PKIB: variants seen among roughly 807,000 people sequenced by gnomAD.
The protein encoded by PKIB is cAMP-dependent protein kinase inhibitor beta.
PKIB carries 2 observed loss-of-function variants against 4.5 expected under a neutral mutation model. That is an observed-to-expected ratio of 0.44 (90% CI 0.18 to 1.39). The LOEUF is 1.39. Among genes scored for constraint, PKIB ranks in the 40% most tolerant of loss-of-function variants. PKIB has a pLI of 0.27. For missense variants in PKIB, 94 were observed against 92.6 expected (o/e 1.02, Z -0.06); for synonymous variants, 38 against 36.0 (o/e 1.06, Z -0.20).
intron 2 of PKIB, among the ~76,000 whole-genome samples, chr6:122,501,746 TC>T (rs1013666204): frequency 1.3e-5 from 2 of 152,200 alleles, no homozygotes; most frequent in African/African-American, 4.8e-5. Context: ...GGCAATTTCC[TC>T]ATTGTCTTGG....
At chr6:122,567,562 C>A (rs12194471) in intron 2 of PKIB, among the ~76,000 whole-genome samples, 1 of 152,072 alleles carries the variant, frequency 6.6e-6, no homozygotes, top group Non-Finnish European at 1.5e-5. Flanking sequence ...TTTAAATTAG[C>A]TAATTTAATA....
chr6:122,492,641 C>CT (rs1351247859), intron 2 of PKIB, among the ~76,000 whole-genome samples: 3 of 152,072 alleles, frequency 2.0e-5, no homozygotes, highest in African/African-American at 4.8e-5. Context: ...TTTTATAACT[C>CT]TAACATTTTA....
intron 2 of PKIB, chr6:122,482,871 C>T (rs931424797): frequency 2.6e-5 from 4 of 152,072 alleles, no homozygotes; most frequent in Admixed American, 2.6e-4. Flanking sequence ...ATTTAAAGTC[C>T]AACTGCACGT....
At chr6:122,692,359 G>C (rs1778390740) in intron 3 of PKIB, among the ~76,000 whole-genome samples, 6 of 152,164 alleles carry the variant, frequency 3.9e-5, no homozygotes, top group Admixed American at 3.9e-4. Flanking sequence ...TCAGGAATCT[G>C]TCTGTTGCTC....
intron 2 of PKIB, among the ~76,000 whole-genome samples, chr6:122,502,934 AAAC>A (rs1776286378): frequency 6.6e-6 from 1 of 152,184 alleles, no homozygotes; most frequent in Admixed American, 6.5e-5. Context: ...TGGGTGGTTT[AAAC>A]AACAAGCATT....
chr6:122,623,712 C>T lies in PKIB; in HGVS notation c.-160-9571C>T, dbSNP rs1036070518. ...AAGCCTTGCACCCAGACACTTTACA[C>T]GCATACATATACACAAATATGTTGA... On this transcript the variant is annotated intron_variant, in intron 1 of 4. Coordinates refer to ENST00000368452, the MANE Select transcript of PKIB (RefSeq NM_181795.3). Among the ~76,000 whole-genome samples, 8 of 152,108 alleles carry T rather than the reference C, an allele frequency of 5.3e-5. No homozygotes were observed. The South Asian group carries it at 1.5e-3, about 28-fold the overall frequency.
intron 2 of PKIB, among the ~76,000 whole-genome samples, chr6:122,577,181 C>G (rs779484886): frequency 1.3e-5 from 2 of 152,116 alleles, no homozygotes; most frequent in Non-Finnish European, 2.9e-5. Context: ...GGCTTGATTT[C>G]AGCATTTAGC....
Position 122,682,782 on chromosome 6 carries a change from G to A in PKIB, c.-9+7638G>A, listed in dbSNP as rs114679997. Among the ~76,000 whole-genome samples the A allele has an allele frequency of 2.6e-3, 397 of 152,204 alleles. 2 individuals are homozygous for A. Among genetic ancestry groups the A allele is most frequent in the African/African-American group, 8.3e-3 (344 of 41,534 alleles). On this transcript the variant is annotated intron_variant, in intron 3 of 4. Coordinates refer to ENST00000368452, the MANE Select transcript of PKIB (RefSeq NM_181795.3). ...CCTGCTACAGTTCTCTCTGGTCCAC[G>A]TCCTCCTGGGATTGTTCTCAGCAAT...
intron 3 of PKIB, among the ~76,000 whole-genome samples, chr6:122,692,187 T>C (rs6420728): frequency 0.48 from 73,003 of 152,022 alleles, 18,299 homozygotes; most frequent in Non-Finnish European, 0.56. Flanking sequence ...GCTGTAACCA[T>C]CCCCTGTCTA....
intron 2 of PKIB, among the ~76,000 whole-genome samples, chr6:122,484,312 T>C (rs1232060158): frequency 6.6e-6 from 1 of 152,188 alleles, no homozygotes; most frequent in African/African-American, 2.4e-5. Context: ...ACCAACCAAA[T>C]TGTATAAAAT....
chr6:122,633,929 CCTAT>C (rs61254507), intron 2 of PKIB, among the ~76,000 whole-genome samples: 1,960 of 145,966 alleles, frequency 0.013, 14 homozygotes, highest in East Asian at 0.024. Flanking sequence ...AGATATCTGT[CCTAT>C]CTATCTATCT....
rs542227524 is a variant in PKIB at position 122,595,695 on chromosome 6, T to C, written c.-161+9688T>C. ...CAGTATTGGTCTCTGCTGCTGGCAA[T>C]TGGGCACTCAGCAGTGGCTGTAACC... On this transcript the variant is annotated intron_variant, in intron 3 of 6. Transcript: ENST00000392491. Among the ~76,000 whole-genome samples the C allele has an allele frequency of 2.5e-3, 384 of 152,282 alleles. 2 individuals are homozygous for C. Among genetic ancestry groups the C allele is most frequent in the Non-Finnish European group, 2.2e-3 (149 of 68,018 alleles).
At chr6:122,714,251 G>A (rs1779388965) in intron 3 of PKIB, among the ~76,000 whole-genome samples, 1 of 152,160 alleles carries the variant, frequency 6.6e-6, no homozygotes, top group Non-Finnish European at 1.5e-5. Context: ...CTCTGGTGAA[G>A]CATGACATCT....
At chr6:122,514,385 A>C (rs1353097899) in intron 2 of PKIB, among the ~76,000 whole-genome samples, 1 of 152,186 alleles carries the variant, frequency 6.6e-6, no homozygotes. Flanking sequence ...CAAATTCTCT[A>C]TGGTGGTACA....
intron 2 of PKIB, among the ~76,000 whole-genome samples, chr6:122,541,897 T>G (rs1306405631): frequency 6.6e-6 from 1 of 152,048 alleles, no homozygotes; most frequent in African/African-American, 2.4e-5. Flanking sequence ...TATTCTTTTT[T>G]CTCTAAACTT....
chr6:122,523,565 C>T (rs911317324), intron 2 of PKIB, among the ~76,000 whole-genome samples: 13 of 152,010 alleles, frequency 8.6e-5, no homozygotes, highest in African/African-American at 2.9e-4. Flanking sequence ...GGTGGCTCAC[C>T]TGAGGTCAGG....
At chr6:122,630,363 A>C (rs188533667) in intron 1 of PKIB, among the ~76,000 whole-genome samples, 5 of 152,220 alleles carry the variant, frequency 3.3e-5, no homozygotes, top group African/African-American at 1.2e-4. Flanking sequence ...CAGCCTAAAA[A>C]AGGAAAGAAA....
chr6:122,603,843 C>T (rs1033304257), intron 3 of PKIB, among the ~76,000 whole-genome samples: 1 of 152,174 alleles, frequency 6.6e-6, no homozygotes, highest in Non-Finnish European at 1.5e-5. Context: ...TAACTTACCA[C>T]ATACTTATTA....
intron 2 of PKIB, among the ~76,000 whole-genome samples, chr6:122,658,419 T>C (rs1173089565): frequency 1.3e-5 from 2 of 152,224 alleles, no homozygotes; most frequent in Non-Finnish European, 2.9e-5. Context: ...TGTATTGGCT[T>C]AGTTTGCTGA....
Sources: gnomAD v4.1 joint callset for allele counts (sites outside exome capture counted in the v4.1 genomes callset) on GRCh38, gnomAD v4.1.1 for gene constraint, MANE v1.5 for transcripts, NCBI Gene and HGNC (gene_info 2026-07-23, HGNC 2026-07-21) for gene names.